The following CAST variants were observed in gnomAD, a reference collection of about 807,000 sequenced individuals.
CAST encodes calpastatin, also known as MIR583 host.
In CAST, 76 loss-of-function variants were observed where a neutral mutation model predicts 119.6. The observed-to-expected ratio is 0.64, with a 90% CI of 0.53 to 0.77. The LOEUF is 0.77. Ranked by LOEUF, CAST falls within the 30% of genes least tolerant of loss-of-function variation. The pLI is 0.00. For missense variants in CAST, 953 were observed against 946.5 expected (o/e 1.01, Z -0.09); for synonymous variants, 319 against 331.6 (o/e 0.96, Z 0.41).
the CAST span, among the ~76,000 whole-genome samples, chr5:96,242,362 C>T: frequency 6.6e-6 from 1 of 152,204 alleles, no homozygotes; most frequent in African/African-American, 2.4e-5. Context: ...AACTTCTGGC[C>T]TCAAGTGATC....
At position 96,624,423 on chromosome 5, in the gene CAST, A is replaced by G. The variant is rs1747681475; in HGVS notation, c.61-51116A>G. 2.0e-5 allele frequency among the ~76,000 whole-genome samples: 3 copies of G among 152,248 alleles called. No homozygotes were observed. In the South Asian group the frequency reaches 6.2e-4, roughly 31 times the overall value. On this transcript the variant is annotated intron_variant, in intron 1 of 11. Coordinates refer to the CAST transcript ENST00000505143. ...ACTAACATGTCCAGTTTGTTTTATA[A>G]TATATGCATGTAATGATCTGGAAGG... is the stretch of plus-strand genomic sequence containing the variant.
intron 1 of CAST, among the ~76,000 whole-genome samples, chr5:96,553,613 T>A (rs1363925654): frequency 1.3e-5 from 2 of 152,182 alleles, no homozygotes; most frequent in Admixed American, 6.5e-5. Flanking sequence ...GAAGTCAAAT[T>A]GTCTCTGTTT....
At chr5:96,123,070 G>C in the CAST span, among the ~76,000 whole-genome samples, 1 of 148,412 alleles carries the variant, frequency 6.7e-6, no homozygotes, top group South Asian at 2.1e-4. Flanking sequence ...TAATGGGATG[G>C]TTGTTGTTGT....
At chr5:96,046,777 G>T in the CAST span, among the ~76,000 whole-genome samples, 1 of 152,206 alleles carries the variant, frequency 6.6e-6, no homozygotes, top group Non-Finnish European at 1.5e-5. Context: ...GTTCCACATG[G>T]CTGGGGAGGC....
the CAST span, among the ~76,000 whole-genome samples, chr5:96,497,693 CT>C: frequency 1.3e-5 from 2 of 152,148 alleles, no homozygotes; most frequent in Non-Finnish European, 2.9e-5. Context: ...CCTTTGCCCA[CT>C]TTTTGATGGG....
At chr5:96,068,499 G>C in the CAST span, among the ~76,000 whole-genome samples, 1 of 151,868 alleles carries the variant, frequency 6.6e-6, no homozygotes, top group East Asian at 1.9e-4. Context: ...TCATGGAGCA[G>C]TTACTAAACA....
the CAST span, among the ~76,000 whole-genome samples, chr5:96,017,946 T>A: frequency 6.6e-6 from 1 of 152,180 alleles, no homozygotes; most frequent in East Asian, 1.9e-4. Context: ...CCATCTTGTT[T>A]TGAAAAATCC....
the CAST span, among the ~76,000 whole-genome samples, chr5:96,515,986 A>G: frequency 1.3e-5 from 2 of 151,600 alleles, no homozygotes; most frequent in African/African-American, 4.8e-5. Context: ...CTCTCACCTT[A>G]TGGCCCTACA....
chr5:96,175,131 T>C, the CAST span, among the ~76,000 whole-genome samples: 381 of 152,320 alleles, frequency 2.5e-3, no homozygotes, highest in Non-Finnish European at 6.8e-4. Context: ...ATTCTAATAG[T>C]ATACTAAGAA....
At chr5:96,340,511 G>T in the CAST span, among the ~76,000 whole-genome samples, 6 of 152,178 alleles carry the variant, frequency 3.9e-5, no homozygotes, top group African/African-American at 1.4e-4. Context: ...AGTAAGGATT[G>T]AATCAGCTTG....
At chr5:96,299,205 A>G in the CAST span, among the ~76,000 whole-genome samples, 38 of 152,058 alleles carry the variant, frequency 2.5e-4, no homozygotes, top group African/African-American at 9.2e-4. Context: ...AGATCGCACC[A>G]TTGCACTCCA....
chr5:96,515,830 C>T, the CAST span, among the ~76,000 whole-genome samples: 63 of 152,144 alleles, frequency 4.1e-4, 1 homozygote, highest in Middle Eastern at 3.4e-3. Flanking sequence ...GACCAATTCA[C>T]CCTTCTTTAA....
rs530564737 is a variant in CAST at position 96,757,430 on chromosome 5, T to C, written c.1711-14T>C. Reference sequence around the variant, plus strand: ...TAAAATGATTTCATGCCATGTGTTTTCCCCCCCGGATAGGATAAAGATGGA... The same window carrying C: ...TAAAATGATTTCATGCCATGTGTTTCCCCCCCCGGATAGGATAAAGATGGA... On this transcript the variant is annotated splice_polypyrimidine_tract_variant and intron_variant, in intron 22 of 31. Transcript: ENST00000675179. The C allele has an allele frequency of 3.3e-5, 53 of 1,611,912 alleles. No individual in the cohort carries two copies. Among genetic ancestry groups the C allele is most frequent in the South Asian group, 1.6e-4 (15 of 91,020 alleles).
chr5:96,502,614 G>GTCTTTCTTTCTTTCTT, the CAST span, among the ~76,000 whole-genome samples: 1,661 of 143,250 alleles, frequency 0.012, 27 homozygotes, highest in East Asian at 0.032. Flanking sequence ...AAGTTACCTA[G>GTCTTTCTTTCTTTCTT]TCTTTCTTTC....
the CAST span, among the ~76,000 whole-genome samples, chr5:96,164,867 C>T: frequency 6.6e-6 from 1 of 151,892 alleles, no homozygotes; most frequent in Admixed American, 6.6e-5. Flanking sequence ...GGTGGAAGTA[C>T]TGGGAATGGT....
At chr5:96,636,822 G>A (rs1747892858) in intron 1 of CAST, among the ~76,000 whole-genome samples, 1 of 152,108 alleles carries the variant, frequency 6.6e-6, no homozygotes, top group Non-Finnish European at 1.5e-5. Flanking sequence ...GTGTGGGAAG[G>A]ATGACAAGTT....
At chr5:96,213,960 G>A in the CAST span, among the ~76,000 whole-genome samples, 1 of 152,032 alleles carries the variant, frequency 6.6e-6, no homozygotes, top group African/African-American at 2.4e-5. Flanking sequence ...AAATACAAAT[G>A]AGAACAAAGT....
chr5:96,522,128 T>A (rs1280165604), upstream of CAST, among the ~76,000 whole-genome samples: 1 of 151,026 alleles, frequency 6.6e-6, no homozygotes, highest in Non-Finnish European at 1.5e-5. Context: ...AAAAAAAAAA[T>A]GACTAGAGAA....
chr5:96,549,766 A>G (rs1160464967), intron 1 of CAST, among the ~76,000 whole-genome samples: 1 of 152,236 alleles, frequency 6.6e-6, no homozygotes, highest in African/African-American at 2.4e-5. Flanking sequence ...GGCAGGTCCC[A>G]TACCCATGGA....
Sources: allele counts gnomAD v4.1 joint callset (sites outside exome capture counted in the v4.1 genomes callset), GRCh38; gene constraint gnomAD v4.1.1; transcripts MANE v1.5; gene names NCBI Gene and HGNC (gene_info 2026-07-23, HGNC 2026-07-21).